The following DTX1 variants were observed in gnomAD, a reference collection of about 807,000 sequenced individuals.
The protein encoded by DTX1 is E3 ubiquitin-protein ligase DTX1.
A neutral mutation model predicts 57.8 loss-of-function variants in DTX1; 26 were observed. The ratio of observed to expected loss-of-function variants is 0.45; its 90% CI spans 0.33 to 0.62. The LOEUF (loss-of-function observed/expected upper bound fraction) is 0.62, where lower values mean the gene tolerates loss of function less well. Ranked by LOEUF, DTX1 falls within the 20% of genes least tolerant of loss-of-function variation. DTX1 has a pLI of 0.02. For synonymous variants in DTX1, 398 were observed against 394.1 expected (o/e 1.01, Z -0.12); for missense variants, 704 against 895.3 (o/e 0.79, Z 2.73).
intron 2 of DTX1, among the ~76,000 whole-genome samples, chr12:113,070,826 C>A (rs2044733570): frequency 6.6e-6 from 1 of 152,224 alleles, no homozygotes; most frequent in South Asian, 2.1e-4. Context: ...TCATTCCCAG[C>A]CCTCTGCTCT....
Position 113,093,326 on chromosome 12 carries a change from C to T in DTX1, c.1003+103C>T. 1 of 1,425,196 alleles carries T rather than the reference C, an allele frequency of 7.0e-7. No homozygotes were observed. The highest frequency in any genetic ancestry group is 2.5e-5 in the East Asian group (1 of 39,914). The allele number at this position is 1,425,196 out of a possible 1,614,324, so 88.3% of individuals were successfully genotyped here. A position where few individuals can be genotyped will look rare whatever the true frequency, so the allele number is the denominator to read the frequency against. On this transcript the variant is annotated intron_variant, in intron 4 of 9. Coordinates refer to ENST00000548759, the MANE Select transcript of DTX1 (RefSeq NM_004416.3). This position sits in a 1 kb window ranked among gnomAD's most constrained non-coding sequence, Gnocchi z 4.2. Reference sequence around the variant, plus strand: ...CCCCGAGATGGGCTGGTGAGCGTGGCCCGGAGGAAACGCCCCCTTCCACTG... The same window carrying T: ...CCCCGAGATGGGCTGGTGAGCGTGGTCCGGAGGAAACGCCCCCTTCCACTG...
chr12:113,076,592 C>G (rs1293492746), intron 2 of DTX1, among the ~76,000 whole-genome samples: 2 of 151,960 alleles, frequency 1.3e-5, no homozygotes, highest in African/African-American at 4.8e-5. Context: ...TAGGGAGACC[C>G]CTGTCTCTAA....
chr12:113,083,387 G>A (rs563714140), intron 3 of DTX1, among the ~76,000 whole-genome samples: 113 of 152,094 alleles, frequency 7.4e-4, no homozygotes, highest in African/African-American at 2.6e-3. Context: ...GTGCAGTGGT[G>A]CAATCTTGGC....
At chr12:113,095,685 A>G (rs918757928) in intron 9 of DTX1, 13 of 451,478 alleles carry the variant, frequency 2.9e-5, no homozygotes, top group African/African-American at 1.6e-4. Flanking sequence ...CAGAGAAACT[A>G]AGTGGCGGAG....
chr12:113,068,088 T>C (rs1169418107), intron 2 of DTX1, among the ~76,000 whole-genome samples: 2 of 152,118 alleles, frequency 1.3e-5, no homozygotes, highest in African/African-American at 4.8e-5. Context: ...TAAATGTAAA[T>C]AGCATGTGAA....
chr12:113,085,953 C>T (rs2044853604), intron 3 of DTX1, among the ~76,000 whole-genome samples: 1 of 152,068 alleles, frequency 6.6e-6, no homozygotes, highest in African/African-American at 2.4e-5. Context: ...CCTTCTTGAG[C>T]AAAGGTGGAA....
intron 3 of DTX1, among the ~76,000 whole-genome samples, chr12:113,090,513 T>G (rs560646966): frequency 6.6e-6 from 1 of 152,164 alleles, no homozygotes; most frequent in South Asian, 2.1e-4. Context: ...CAGGACTCTA[T>G]CCCCATTACA....
intron 2 of DTX1, among the ~76,000 whole-genome samples, chr12:113,063,858 A>C (rs1043047185): frequency 6.6e-6 from 1 of 152,104 alleles, no homozygotes; most frequent in African/African-American, 2.4e-5. Context: ...ACCGGGGAAA[A>C]CACCTCCAGA....
At chr12:113,082,241 C>T (rs1427045086) in intron 3 of DTX1, among the ~76,000 whole-genome samples, 1 of 152,138 alleles carries the variant, frequency 6.6e-6, no homozygotes, top group Non-Finnish European at 1.5e-5. Flanking sequence ...TGCTGCCCAG[C>T]CTCACTCCAG....
At chr12:113,071,860 C>A (rs1335847520) in intron 2 of DTX1, among the ~76,000 whole-genome samples, 1 of 152,226 alleles carries the variant, frequency 6.6e-6, no homozygotes, top group African/African-American at 2.4e-5. Flanking sequence ...CTCCTGCTCT[C>A]CAGGTTCCAA....
intron 3 of DTX1, among the ~76,000 whole-genome samples, chr12:113,087,052 C>T (rs2044864840): frequency 6.6e-6 from 1 of 152,066 alleles, no homozygotes. Context: ...CTGACCGGTC[C>T]TCCCTGCCCC....
intron 3 of DTX1, chr12:113,090,076 G>A (rs1393156275): frequency 6.6e-6 from 1 of 152,208 alleles, no homozygotes; most frequent in East Asian, 1.9e-4. Context: ...AGACCAACCA[G>A]TGGTGGTATG....
chr12:113,086,442 A>G (rs2044857794), intron 3 of DTX1, among the ~76,000 whole-genome samples: 1 of 152,140 alleles, frequency 6.6e-6, no homozygotes, highest in Non-Finnish European at 1.5e-5. Flanking sequence ...GCCAGGTCAC[A>G]CAGGGTCTGG....
chr12:113,087,815 G>A (rs966350365), intron 3 of DTX1, among the ~76,000 whole-genome samples: 5 of 152,124 alleles, frequency 3.3e-5, no homozygotes, highest in Admixed American at 6.5e-5. Flanking sequence ...CCTGCTGGGG[G>A]TGGGAGGGGA....
chr12:113,079,694 C>CTGTGTGTGTGTGTGTG (rs71086139), intron 3 of DTX1, among the ~76,000 whole-genome samples: 1 of 132,384 alleles, frequency 7.6e-6, no homozygotes, highest in Admixed American at 7.5e-5. Context: ...TTCCCGGCTA[C>CTGTGTGTGTGTGTGTG]TGTGTGTGTG....
rs764389287 is a variant in DTX1 at position 113,093,617 on chromosome 12, C to T, written c.1082C>T (p.Pro361Leu). 2 of 1,613,148 alleles carry T rather than the reference C, an allele frequency of 1.2e-6. No homozygotes were observed. Among genetic ancestry groups the T allele is most frequent in the Non-Finnish European group, 8.5e-7 (1 of 1,179,744 alleles). ...TRAPKPILHP[P>L]PVSKSDVKPV... is the part of the protein sequence containing the mutation. ...GCCCCCAAGCCCATCCTGCACCCGC[C>T]GCCCGTGAGCAAGAGCGACGTGAAG... The change falls in exon 5 of 10, where the codon CCG (proline) becomes CTG (leucine). Residue 361 changes from proline (P) to leucine (L), a missense_variant. Pro to Leu is a moderately conservative substitution (Grantham distance 98, BLOSUM62 -3). This residue lies in a region of DTX1 where 299 missense variants were observed against 311.2 expected (regional missense o/e 0.96). Transcript: ENST00000548759. The surrounding 1 kb of genome is among the most constrained non-coding windows in gnomAD (Gnocchi z 4.2).
chr12:113,064,955 C>T (rs1294070799), intron 2 of DTX1, among the ~76,000 whole-genome samples: 2 of 152,138 alleles, frequency 1.3e-5, no homozygotes, highest in Non-Finnish European at 2.9e-5. Flanking sequence ...AGGAGGAACA[C>T]TTACAGGTGG....
At position 113,077,975 on chromosome 12, in the gene DTX1, C is replaced by T. The variant is rs1024718643; in HGVS notation, c.811C>T (p.Pro271Ser). The T allele has an allele frequency of 2.0e-6, 2 of 1,020,838 alleles. No individual in the cohort carries two copies. Among genetic ancestry groups the T allele is most frequent in the African/African-American group, 3.5e-5 (2 of 57,410 alleles). 63.2% of individuals were successfully genotyped at this position (1,020,838 alleles called of 1,614,324 possible). Residue 271 changes from proline to serine, a missense_variant, in exon 3 of 10, where the codon CCG becomes TCG. Physicochemically the swap from Pro to Ser is moderately conservative, Grantham distance 74. Around this residue, in one of 3 missense-constraint regions of DTX1, gnomAD observed 299 missense variants for 311.2 expected, o/e 0.96. Transcript: ENST00000548759. This position sits in a 1 kb window ranked among gnomAD's most constrained non-coding sequence, Gnocchi z 7.8. ...CGCCGCCGGCCCCGCCGAGCCCGCG[C>T]CGCCTCCCGGGGCGCCCCCACGGAG... Reference protein sequence around the residue: ...APAAGPAEPAPPPGAPPRSPG... With the variant: ...APAAGPAEPASPPGAPPRSPG...
Position 113,095,654 on chromosome 12 carries a change from C to A in DTX1, c.1638+240C>A. The A allele has an allele frequency of 5.6e-6, 3 of 536,444 alleles. No individual in the cohort carries two copies. The South Asian group carries it at 7.5e-5, about 13-fold the overall frequency. 33.2% of individuals were successfully genotyped at this position (536,444 alleles called of 1,614,324 possible). On this transcript the variant is annotated intron_variant, in intron 9 of 9. Transcript: ENST00000548759. Reference sequence around the variant, plus strand: ...CAAAGACACAAGGCTTCAGAAAGGGCAAGTCACTTGACTGTGGTCACAGAG... The same window carrying A: ...CAAAGACACAAGGCTTCAGAAAGGGAAAGTCACTTGACTGTGGTCACAGAG...
Sources: gnomAD v4.1 joint callset for allele counts (sites outside exome capture counted in the v4.1 genomes callset) on GRCh38, gnomAD v4.1.1 for gene constraint, gnomAD v4.1.1 regional missense constraint, Gnocchi (gnomAD v3.1) non-coding constraint, MANE v1.5 for transcripts, NCBI Gene and HGNC (gene_info 2026-07-23, HGNC 2026-07-21) for gene names.